MSI2: variants seen among roughly 807,000 people sequenced by gnomAD.
MSI2 encodes musashi RNA binding protein 2.
MSI2 carries 17 observed loss-of-function variants against 45.6 expected under a neutral mutation model. The ratio of observed to expected loss-of-function variants is 0.37; its 90% CI spans 0.26 to 0.56. The LOEUF (loss-of-function observed/expected upper bound fraction) is 0.56, where lower values mean the gene tolerates loss of function less well. Among genes scored for constraint, MSI2 ranks in the 20% least tolerant of loss-of-function variants. MSI2 has a pLI of 0.77. For missense variants in MSI2, 293 were observed against 444.2 expected (o/e 0.66, Z 3.06); for synonymous variants, 156 against 158.2 (o/e 0.99, Z 0.11).
chr17:57,485,191 A>C (rs1235242445), intron 6 of MSI2, among the ~76,000 whole-genome samples: 2 of 152,174 alleles, frequency 1.3e-5, no homozygotes, highest in Non-Finnish European at 2.9e-5. Flanking sequence ...GGCCTGGACT[A>C]TTCTAGTCTT....
At chr17:57,341,760 G>A (rs796085760) in intron 5 of MSI2, among the ~76,000 whole-genome samples, 4 of 152,130 alleles carry the variant, frequency 2.6e-5, no homozygotes, top group East Asian at 1.9e-4. Flanking sequence ...TGTGGGCACC[G>A]CCACAGATAA....
At chr17:57,308,262 C>A (rs1243092487) in intron 5 of MSI2, among the ~76,000 whole-genome samples, 1 of 152,176 alleles carries the variant, frequency 6.6e-6, no homozygotes, top group East Asian at 1.9e-4. Context: ...GATACCACCA[C>A]CGCCACCATT....
At chr17:57,538,212 G>A (rs762706324) in intron 7 of MSI2, among the ~76,000 whole-genome samples, 1 of 152,100 alleles carries the variant, frequency 6.6e-6, no homozygotes. Context: ...TTAGCATCAC[G>A]GCACTGCCAG....
At chr17:57,586,167 C>T (rs973802559) in intron 7 of MSI2, among the ~76,000 whole-genome samples, 4 of 152,234 alleles carry the variant, frequency 2.6e-5, no homozygotes. Context: ...CTATAGAGCG[C>T]ACTCGGAATT....
chr17:57,607,882 T>C (rs1906803522), intron 8 of MSI2, among the ~76,000 whole-genome samples: 1 of 152,030 alleles, frequency 6.6e-6, no homozygotes, highest in African/African-American at 2.4e-5. Context: ...GCCACACATT[T>C]TTAAGCAACT....
chr17:57,505,429 G>C (rs929568766), intron 6 of MSI2, among the ~76,000 whole-genome samples: 1 of 152,152 alleles, frequency 6.6e-6, no homozygotes, highest in East Asian at 1.9e-4. Context: ...ATAAGGGAAG[G>C]TTGGGAGTTT....
intron 5 of MSI2, among the ~76,000 whole-genome samples, chr17:57,287,318 C>T (rs1156446148): frequency 6.6e-6 from 1 of 152,006 alleles, no homozygotes; most frequent in Non-Finnish European, 1.5e-5. Context: ...TCTTGGAAGC[C>T]CTGCTGGGCC....
intron 5 of MSI2, among the ~76,000 whole-genome samples, chr17:57,367,618 C>T (rs1917290103): frequency 6.6e-6 from 1 of 152,198 alleles, no homozygotes; most frequent in South Asian, 2.1e-4. Flanking sequence ...GGGCCCCTCC[C>T]TGGAGGCTTA....
At chr17:57,383,044 G>C (rs1159131235) in intron 5 of MSI2, among the ~76,000 whole-genome samples, 3 of 152,196 alleles carry the variant, frequency 2.0e-5, no homozygotes, top group African/African-American at 7.2e-5. Flanking sequence ...ACAGGGTGGA[G>C]GACCAAGGAG....
intron 5 of MSI2, among the ~76,000 whole-genome samples, chr17:57,300,857 C>T (rs528300644): frequency 2.0e-5 from 3 of 152,254 alleles, no homozygotes; most frequent in African/African-American, 7.2e-5. Context: ...GGGGAAACTG[C>T]CCCTACGATT....
chr17:57,281,627 C>T (rs1417885302), intron 5 of MSI2, among the ~76,000 whole-genome samples: 1 of 152,148 alleles, frequency 6.6e-6, no homozygotes, highest in Non-Finnish European at 1.5e-5. Context: ...CTTTAAAAAG[C>T]CTTGTTTCCC....
chr17:57,623,754 G>T (rs960559906), intron 9 of MSI2, among the ~76,000 whole-genome samples: 1 of 152,226 alleles, frequency 6.6e-6, no homozygotes, highest in African/African-American at 2.4e-5. Flanking sequence ...GCGTCTGCAC[G>T]GGTCTGCTGT....
chr17:57,535,917 G>A (rs2086911093), intron 7 of MSI2, among the ~76,000 whole-genome samples: 1 of 152,218 alleles, frequency 6.6e-6, no homozygotes, highest in African/African-American at 2.4e-5. Flanking sequence ...AACTTAAGCT[G>A]TGATAGAAGA....
At chr17:57,505,738 G>A (rs60876337) in intron 6 of MSI2, among the ~76,000 whole-genome samples, 1,918 of 152,204 alleles carry the variant, frequency 0.013, 52 homozygotes, top group East Asian at 0.094. Flanking sequence ...GGGGTGCGGC[G>A]GGGGGTTGTG....
At chr17:57,458,903 G>A (rs1338972158) in intron 6 of MSI2, among the ~76,000 whole-genome samples, 3 of 152,202 alleles carry the variant, frequency 2.0e-5, no homozygotes, top group East Asian at 1.9e-4. Flanking sequence ...GGCACCTGGC[G>A]AGAGCGTTGG....
At chr17:57,580,024 C>T (rs2088158817) in intron 7 of MSI2, among the ~76,000 whole-genome samples, 1 of 151,832 alleles carries the variant, frequency 6.6e-6, no homozygotes, top group African/African-American at 2.4e-5. Flanking sequence ...AAACTGGAAA[C>T]CTTTACATTA....
intron 11 of MSI2, among the ~76,000 whole-genome samples, chr17:57,674,397 C>CA (rs1913068930): frequency 6.6e-6 from 1 of 151,116 alleles, no homozygotes; most frequent in Non-Finnish European, 1.5e-5. Context: ...AACACACACA[C>CA]AAAAAAAGAT....
At chr17:57,319,383 T>C (rs911073124) in intron 5 of MSI2, among the ~76,000 whole-genome samples, 2 of 152,194 alleles carry the variant, frequency 1.3e-5, no homozygotes, top group Admixed American at 1.3e-4. Flanking sequence ...AGATTCCCCC[T>C]GGAAACACCA....
At chr17:57,481,613 T>C (rs990212906) in intron 6 of MSI2, among the ~76,000 whole-genome samples, 4 of 152,252 alleles carry the variant, frequency 2.6e-5, no homozygotes, top group African/African-American at 9.6e-5. Context: ...CACTCAACTC[T>C]GCCTTGATTG....
Sources: gnomAD v4.1 joint callset for allele counts (sites outside exome capture counted in the v4.1 genomes callset) on GRCh38, gnomAD v4.1.1 for gene constraint, MANE v1.5 for transcripts, NCBI Gene and HGNC (gene_info 2026-07-23, HGNC 2026-07-21) for gene names.